Variants in SLC35A1 observed in about 807,000 individuals in gnomAD.
SLC35A1 encodes solute carrier family 35 member A1.
A neutral mutation model predicts 40.3 loss-of-function variants in SLC35A1; 21 were observed. The observed-to-expected ratio is 0.52, with a 90% CI of 0.37 to 0.75. The LOEUF is 0.75. Among genes scored for constraint, SLC35A1 ranks in the 30% least tolerant of loss-of-function variants. The probability of loss-of-function intolerance (pLI) is 0.00; values close to 1 mark genes in which losing one functional copy is unlikely to be tolerated. For missense variants in SLC35A1, 297 were observed against 382.1 expected (o/e 0.78, Z 1.86); for synonymous variants, 146 against 147.3 (o/e 0.99, Z 0.06).
intron 2 of SLC35A1, 136 bp downstream of exon 2, chr6:87,477,675 CAGA>C (rs1349146383): frequency 2.6e-6 from 2 of 760,344 alleles, no homozygotes; most frequent in Non-Finnish European, 4.4e-6. Context: ...TTTTGCCCCC[CAGA>C]AGATTTTTTA....
chr6:87,500,747 C>A (rs1452582716), intron 3 of SLC35A1, 80 bp downstream of exon 3: 142 of 1,220,142 alleles, frequency 1.2e-4, no homozygotes, highest in South Asian at 1.8e-4. Context: ...ATCATATTAT[C>A]AATTTTTTTT....
intron 1 of SLC35A1, 131 bp from the exon 2 acceptor site, chr6:87,477,231 T>G: frequency 1.2e-6 from 1 of 837,582 alleles, no homozygotes; most frequent in Non-Finnish European, 1.9e-6. Context: ...TGAAAAAAAT[T>G]TTTAAGCATG....
chr6:87,478,947 T>A (rs2127963557), intron 2 of SLC35A1, among the ~76,000 whole-genome samples: 1 of 152,272 alleles, frequency 6.6e-6, no homozygotes, highest in Admixed American at 6.5e-5. Flanking sequence ...CCCTATTGGC[T>A]AGGGTTAGAC....
At chr6:87,496,433 ATTTGTT>A (rs1582184352) in intron 2 of SLC35A1, among the ~76,000 whole-genome samples, 2 of 152,288 alleles carry the variant, frequency 1.3e-5, no homozygotes, top group East Asian at 3.9e-4. Flanking sequence ...TAATTAATAA[ATTTGTT>A]TTTAACAGAG....
chr6:87,478,491 C>A (rs1020768457), intron 2 of SLC35A1, among the ~76,000 whole-genome samples: 1 of 152,046 alleles, frequency 6.6e-6, no homozygotes, highest in Non-Finnish European at 1.5e-5. Flanking sequence ...TGAAGGGAAG[C>A]AGGGAGGAAT....
At chr6:87,511,163 C>A (rs1298140716) in intron 7 of SLC35A1, among the ~76,000 whole-genome samples, 4 of 152,094 alleles carry the variant, frequency 2.6e-5, no homozygotes, top group Non-Finnish European at 5.9e-5. Flanking sequence ...TAGGCATACT[C>A]ATGTTCTAAA....
At position 87,506,450 on chromosome 6, in the gene SLC35A1, T is replaced by C; in HGVS notation, c.574+2T>C. On this transcript the variant is annotated splice_donor_variant, in intron 5 of 7. Coordinates refer to ENST00000369552, the MANE Select transcript of SLC35A1 (RefSeq NM_006416.5). LOFTEE classifies it high-confidence loss of function. ...CTGTATTGTGCTCAGGATTTGCAGG[T>C]AAATCATGAAAGCATTGTTTTATTC... 2.5e-6 allele frequency: 4 copies of C among 1,611,714 alleles called. No individual in the cohort carries two copies. The highest frequency in any genetic ancestry group is 3.4e-6 in the Non-Finnish European group (4 of 1,177,898).
chr6:87,479,293 A>G (rs1030591673), intron 2 of SLC35A1, among the ~76,000 whole-genome samples: 1 of 152,164 alleles, frequency 6.6e-6, no homozygotes, highest in Non-Finnish European at 1.5e-5. Flanking sequence ...TCTCTGGATA[A>G]GGTGGAGGAT....
chr6:87,491,596 T>G (rs912076599), intron 2 of SLC35A1, among the ~76,000 whole-genome samples: 3 of 152,220 alleles, frequency 2.0e-5, no homozygotes, highest in Admixed American at 2.0e-4. Flanking sequence ...TATTTCCAAA[T>G]GTTAACACTT....
chr6:87,506,250 T>C, intron 4 of SLC35A1, 132 bp from the exon 5 acceptor site: 1 of 739,630 alleles, frequency 1.4e-6, no homozygotes. Context: ...TCTTATTCTG[T>C]AGAATAGCTG....
At chr6:87,495,506 G>C (rs1207426241) in intron 2 of SLC35A1, among the ~76,000 whole-genome samples, 1 of 151,882 alleles carries the variant, frequency 6.6e-6, no homozygotes, top group Non-Finnish European at 1.5e-5. Flanking sequence ...TCTCCTTCTG[G>C]GTTTACATTT....
chr6:87,481,371 C>T (rs370629971), intron 2 of SLC35A1, among the ~76,000 whole-genome samples: 13 of 150,856 alleles, frequency 8.6e-5, no homozygotes, highest in Non-Finnish European at 4.4e-5. Context: ...GAGCCGAGAT[C>T]GCGCCATTGC....
chr6:87,494,189 T>C (rs78881719), intron 2 of SLC35A1, among the ~76,000 whole-genome samples: 4,118 of 152,182 alleles, frequency 0.027, 171 homozygotes, highest in African/African-American at 0.093. Context: ...ATAGATACCA[T>C]ATATACCAGT....
intron 2 of SLC35A1, among the ~76,000 whole-genome samples, chr6:87,481,417 C>CA (rs200106266): frequency 0.013 from 1,523 of 116,682 alleles, 7 homozygotes; most frequent in Middle Eastern, 0.032. Context: ...AACTCTGACT[C>CA]AAAAAAAAAA....
In SLC35A1 at chr6:87,508,486, A is replaced by G; in HGVS notation, c.641A>G (p.Tyr214Cys). ...CTTTGGGTGAGAAACATTCAAATGTATCTATCAGGGATTATTGTGACATTA... is the reference window on the plus strand; with the variant it reads ...CTTTGGGTGAGAAACATTCAAATGTGTCTATCAGGGATTATTGTGACATTA... ...TSLWVRNIQMYLSGIIVTLAG... is the reference protein window; with the variant it reads ...TSLWVRNIQMCLSGIIVTLAG... Residue 214 changes from tyrosine to cysteine, a missense_variant, in exon 6 of 8, where the codon TAT becomes TGT. Physicochemically the swap from Tyr to Cys is radical, Grantham distance 194. Coordinates refer to ENST00000369552, the MANE Select transcript of SLC35A1 (RefSeq NM_006416.5). 3 of 1,611,170 alleles carry G rather than the reference A, an allele frequency of 1.9e-6. No individual in the cohort carries two copies. The highest frequency in any genetic ancestry group is 2.5e-6 in the Non-Finnish European group (3 of 1,177,648).
rs1770272858 is a variant in SLC35A1, at chr6:87,511,486, A to T, written c.974A>T (p.Gln325Leu). Residue 325 changes from glutamine to leucine, a missense_variant, in exon 8 of 8, where the codon CAA (glutamine) becomes CTA (leucine). Coordinates refer to ENST00000369552, the MANE Select transcript of SLC35A1 (RefSeq NM_006416.5). ...AGACAAGACACTACATCCATCCAAC[A>T]AGGAGAAACAGCTTCAAAGGAGAGA... ...LPRQDTTSIQQGETASKERVI... is the reference protein window; with the variant it reads ...LPRQDTTSIQLGETASKERVI... 6.2e-7 allele frequency: 1 copy of T among 1,613,854 alleles called. No individual in the cohort carries two copies.
At position 87,501,671 on chromosome 6, in the gene SLC35A1, A is replaced by G. The variant is rs1049608149; in HGVS notation, c.507+361A>G. 2.6e-5 allele frequency among the ~76,000 whole-genome samples: 4 copies of G among 152,214 alleles called. No individual in the cohort carries two copies. In the East Asian group the frequency reaches 7.7e-4, roughly 29 times the overall value. Reference sequence around the variant, plus strand: ...GCCAGTTTCCATACTGTATATGTTTAGAACTTCTAGACCTCTTTCAAACAT... The same window carrying G: ...GCCAGTTTCCATACTGTATATGTTTGGAACTTCTAGACCTCTTTCAAACAT... On this transcript the variant is annotated intron_variant, in intron 4 of 7. Coordinates refer to ENST00000369552, the MANE Select transcript of SLC35A1 (RefSeq NM_006416.5).
At chr6:87,483,199 G>C (rs1433154680) in intron 2 of SLC35A1, among the ~76,000 whole-genome samples, 2 of 151,300 alleles carry the variant, frequency 1.3e-5, no homozygotes, top group Non-Finnish European at 2.9e-5. Context: ...CTGACTCTCT[G>C]TCTCTTTCTC....
At chr6:87,483,123 T>C (rs1769290399) in intron 2 of SLC35A1, among the ~76,000 whole-genome samples, 1 of 152,194 alleles carries the variant, frequency 6.6e-6, no homozygotes, top group Middle Eastern at 3.4e-3. Context: ...TACCCTAGCT[T>C]TTAAAGGAAT....
Sources: allele counts gnomAD v4.1 joint callset (sites outside exome capture counted in the v4.1 genomes callset), GRCh38; gene constraint gnomAD v4.1.1; transcripts MANE v1.5; gene names NCBI Gene and HGNC (gene_info 2026-07-23, HGNC 2026-07-21).